Variants in GALNT1 observed in about 807,000 individuals in gnomAD.
The protein encoded by GALNT1 is polypeptide N-acetylgalactosaminyltransferase 1, also known as GalNAc transferase 1.
In GALNT1, 17 loss-of-function variants were observed where a neutral mutation model predicts 65.7. The observed-to-expected ratio is 0.26, with a 90% CI of 0.18 to 0.39. The LOEUF (loss-of-function observed/expected upper bound fraction) is 0.39, where lower values mean the gene tolerates loss of function less well. Ranked by LOEUF, GALNT1 falls within the 10% of genes least tolerant of loss-of-function variation. The pLI is 1.00. For synonymous variants in GALNT1, 210 were observed against 219.7 expected, an observed-to-expected ratio of 0.96 and a Z score of 0.39; for missense variants, 460 against 672.8, an observed-to-expected ratio of 0.68 and a Z score of 3.50.
intron 1 of GALNT1, among the ~76,000 whole-genome samples, chr18:35,645,743 T>C (rs960987095): frequency 6.6e-6 from 1 of 152,200 alleles, no homozygotes; most frequent in African/African-American, 2.4e-5. Flanking sequence ...TTCTTATCTG[T>C]TGCTTGGACC....
chr18:35,666,959 T>G (rs1266229752), intron 3 of GALNT1, among the ~76,000 whole-genome samples: 1 of 152,184 alleles, frequency 6.6e-6, no homozygotes, highest in Non-Finnish European at 1.5e-5. Flanking sequence ...AAAAAAAGTT[T>G]TAGAAGACTT....
At chr18:35,681,006 G>A (rs2047779193) in intron 4 of GALNT1, among the ~76,000 whole-genome samples, 1 of 152,040 alleles carries the variant, frequency 6.6e-6, no homozygotes, top group Admixed American at 6.5e-5. Context: ...AAAAAGCAGA[G>A]GTTTATATTT....
At chr18:35,665,020 C>A (rs1345928957) in intron 3 of GALNT1, among the ~76,000 whole-genome samples, 1 of 152,204 alleles carries the variant, frequency 6.6e-6, no homozygotes, top group Non-Finnish European at 1.5e-5. Context: ...AATGGCACAG[C>A]CTGATCACCC....
intron 3 of GALNT1, among the ~76,000 whole-genome samples, chr18:35,669,199 C>A (rs990327458): frequency 7.4e-5 from 11 of 149,038 alleles, no homozygotes; most frequent in African/African-American, 2.7e-4. Flanking sequence ...CCAGATCACA[C>A]CACTGCACTC....
chr18:35,599,366 C>CCTTTTTTTTTTTTTTTTT (rs61028491), intron 1 of GALNT1, among the ~76,000 whole-genome samples: 1 of 122,758 alleles, frequency 8.1e-6, no homozygotes, highest in Non-Finnish European at 1.6e-5. Context: ...GAGATTTACA[C>CCTTTTTTTTTTTTTTTTT]TTTTTTTTTT....
At chr18:35,587,052 T>A (rs113887263) in intron 1 of GALNT1, among the ~76,000 whole-genome samples, 9 of 152,236 alleles carry the variant, frequency 5.9e-5, no homozygotes, top group African/African-American at 2.2e-4. Context: ...TACATATGTT[T>A]TGTTAGTTTT....
intron 6 of GALNT1, among the ~76,000 whole-genome samples, chr18:35,688,631 TCCTTA>T (rs1268856116): frequency 6.6e-6 from 1 of 152,178 alleles, no homozygotes; most frequent in Admixed American, 6.6e-5. Context: ...TTGTCTCCTC[TCCTTA>T]AAGATTTCTA....
chr18:35,631,133 A>G lies in GALNT1; in HGVS notation c.-103-23427A>G, dbSNP rs530092114. Among the ~76,000 whole-genome samples the G allele has an allele frequency of 3.2e-4, 48 of 152,330 alleles. 1 individual carries two copies. In the East Asian group the frequency reaches 8.3e-3, roughly 26 times the overall value. ...ACATTCTACCAGAGGTACAAGGAGGAGCTGGTACCATTCCTTATGAAACTA... is the reference window on the plus strand; with the variant it reads ...ACATTCTACCAGAGGTACAAGGAGGGGCTGGTACCATTCCTTATGAAACTA... On this transcript the variant is annotated intron_variant, in intron 1 of 11. Coordinates refer to ENST00000269195, the MANE Select transcript of GALNT1 (RefSeq NM_020474.4).
At chr18:35,675,602 TTC>T (rs1438871732) in intron 3 of GALNT1, among the ~76,000 whole-genome samples, 1 of 152,244 alleles carries the variant, frequency 6.6e-6, no homozygotes, top group Non-Finnish European at 1.5e-5. Context: ...CTCCACATTT[TTC>T]TGTCTTCCTT....
At chr18:35,596,071 G>A (rs572888185) in intron 1 of GALNT1, 1 of 152,192 alleles carries the variant, frequency 6.6e-6, no homozygotes, top group Non-Finnish European at 1.5e-5. Flanking sequence ...AGAGTTTGGA[G>A]AGAATTTAGG....
intron 7 of GALNT1, among the ~76,000 whole-genome samples, chr18:35,689,595 C>T (rs1034732191): frequency 6.6e-6 from 1 of 152,048 alleles, no homozygotes; most frequent in Admixed American, 6.6e-5. Context: ...TTTGGATATG[C>T]TACTTTGCTG....
In GALNT1 at chr18:35,677,604, G is replaced by T. The variant is rs770099332; in HGVS notation, c.328G>T (p.Val110Leu). ...DVRLEGCKTK[V>L]YPDNLPTTSV... ...CTTTGTCTCTAGGTGTAAAACAAAG[G>T]TGTATCCAGATAATCTTCCTACAAC... Residue 110 changes from valine (V) to leucine (L), a missense_variant, in exon 4 of 12, where the codon GTG becomes TTG. Val to Leu is a conservative substitution (Grantham distance 32). Transcript: ENST00000269195. The T allele has an allele frequency of 1.9e-6, 3 of 1,611,400 alleles. No homozygotes were observed. The highest frequency in any genetic ancestry group is 2.5e-6 in the Non-Finnish European group (3 of 1,178,502).
intron 4 of GALNT1, among the ~76,000 whole-genome samples, chr18:35,679,819 G>C (rs1045913292): frequency 1.3e-5 from 2 of 152,182 alleles, no homozygotes; most frequent in Non-Finnish European, 2.9e-5. Flanking sequence ...CCAGAAACCA[G>C]AGCAAGCTGT....
intron 1 of GALNT1, among the ~76,000 whole-genome samples, chr18:35,590,498 C>T (rs2046430505): frequency 6.6e-6 from 1 of 152,102 alleles, no homozygotes; most frequent in South Asian, 2.1e-4. Flanking sequence ...TAGGTTTAAG[C>T]ATCATGGAAG....
chr18:35,613,734 T>A (rs1420934737), intron 1 of GALNT1, among the ~76,000 whole-genome samples: 1 of 152,016 alleles, frequency 6.6e-6, no homozygotes, highest in Non-Finnish European at 1.5e-5. Context: ...GTTGGAAAAG[T>A]ATAGGGTAGG....
At chr18:35,683,158 C>A (rs1162693328) in intron 4 of GALNT1, among the ~76,000 whole-genome samples, 2 of 152,128 alleles carry the variant, frequency 1.3e-5, no homozygotes, top group African/African-American at 4.8e-5. Flanking sequence ...TTGGTTAAGT[C>A]TGAGCACAAA....
intron 1 of GALNT1, among the ~76,000 whole-genome samples, chr18:35,618,409 C>G (rs2046811630): frequency 6.6e-6 from 1 of 152,052 alleles, no homozygotes; most frequent in Non-Finnish European, 1.5e-5. Context: ...CATGGATGAA[C>G]TTAATTCTTA....
At chr18:35,649,057 A>G (rs1365329545) in intron 1 of GALNT1, among the ~76,000 whole-genome samples, 2 of 152,196 alleles carry the variant, frequency 1.3e-5, no homozygotes, top group Non-Finnish European at 2.9e-5. Flanking sequence ...AGATGTGCAT[A>G]CAGGGCTGTG....
chr18:35,677,686 A>G lies in GALNT1; in HGVS notation c.410A>G (p.His137Arg). The G allele has an allele frequency of 6.2e-7, 1 of 1,613,394 alleles. No homozygotes were observed. Among genetic ancestry groups the G allele is most frequent in the Non-Finnish European group, 8.5e-7 (1 of 1,179,454 alleles). The stretch of plus-strand genomic sequence containing the variant: ...TGGAGCACACTTCTGCGAACTGTCC[A>G]TAGTGTCATTAATCGCTCACCAAGA... ...EAWSTLLRTVHSVINRSPRHM... is the reference protein window; with the variant it reads ...EAWSTLLRTVRSVINRSPRHM... The change falls in exon 4 of 12, where the codon CAT becomes CGT. Residue 137 changes from histidine to arginine, a missense_variant. By Grantham distance (29) the His-to-Arg change is conservative. Coordinates refer to ENST00000269195, the MANE Select transcript of GALNT1 (RefSeq NM_020474.4).
Sources: allele counts gnomAD v4.1 joint callset (sites outside exome capture counted in the v4.1 genomes callset), GRCh38; gene constraint gnomAD v4.1.1; transcripts MANE v1.5; gene names NCBI Gene and HGNC (gene_info 2026-07-23, HGNC 2026-07-21).